Variants in PCDH15 observed in about 807,000 individuals in gnomAD.
The protein encoded by PCDH15 is protocadherin related 15, also known as protocadherin-15.
In PCDH15, 129 loss-of-function variants were observed where a neutral mutation model predicts 178.5. The ratio of observed to expected loss-of-function variants is 0.72; its 90% CI spans 0.63 to 0.84. PCDH15 has a LOEUF of 0.84. Among genes scored for constraint, PCDH15 ranks in the 40% least tolerant of loss-of-function variants. The probability of loss-of-function intolerance (pLI) is 0.00; values close to 1 mark genes in which losing one functional copy is unlikely to be tolerated. For missense variants in PCDH15, 2,230 were observed against 2,099.9 expected, an observed-to-expected ratio of 1.06 and a Z score of -1.21; for synonymous variants, 800 against 732.0, an observed-to-expected ratio of 1.09 and a Z score of -1.50.
At chr10:53,958,919 T>C (rs139032488) in intron 23 of PCDH15, among the ~76,000 whole-genome samples, 1,549 of 132,976 alleles carry the variant, frequency 0.012, 27 homozygotes, top group African/African-American at 0.039. Flanking sequence ...GTGGAGCTTG[T>C]AGTGACCCGA....
chr10:55,373,398 A>G (rs978194708), intron 2 of PCDH15, among the ~76,000 whole-genome samples: 1 of 152,168 alleles, frequency 6.6e-6, no homozygotes, highest in Admixed American at 6.6e-5. Context: ...GGCAGATGAT[A>G]ATTCCTTCTA....
chr10:55,492,395 T>A (rs986059120), intron 2 of PCDH15, among the ~76,000 whole-genome samples: 1 of 151,684 alleles, frequency 6.6e-6, no homozygotes, highest in Non-Finnish European at 1.5e-5. Flanking sequence ...TTCTAGACAA[T>A]AGCCCTTGGA....
chr10:54,037,169 G>C (rs1440755269), intron 18 of PCDH15, among the ~76,000 whole-genome samples: 2 of 151,916 alleles, frequency 1.3e-5, no homozygotes, highest in South Asian at 2.1e-4. Context: ...TGAAGATGCT[G>C]TGAACATTGT....
chr10:54,236,765 A>G, intron 9 of PCDH15, 58 bp downstream of exon 9: 1 of 1,335,590 alleles, frequency 7.5e-7, no homozygotes, highest in Non-Finnish European at 1.1e-6. Context: ...AATTGAGAGA[A>G]TTTGTTACTG....
chr10:54,380,252 A>G (rs2135061836), intron 3 of PCDH15, among the ~76,000 whole-genome samples: 1 of 152,106 alleles, frequency 6.6e-6, no homozygotes, highest in Admixed American at 6.6e-5. Context: ...CATTTTTTGC[A>G]CTTTTTCACA....
chr10:53,924,384 C>A (rs1179774425), intron 25 of PCDH15, among the ~76,000 whole-genome samples: 3 of 152,218 alleles, frequency 2.0e-5, no homozygotes, highest in Non-Finnish European at 4.4e-5. Context: ...CAGTGCTGCA[C>A]TCAAATTCTC....
At chr10:54,683,205 T>C (rs975102664) in intron 1 of PCDH15, among the ~76,000 whole-genome samples, 1 of 152,088 alleles carries the variant, frequency 6.6e-6, no homozygotes, top group African/African-American at 2.4e-5. Context: ...ACATATAATG[T>C]ACCATTTTAG....
At chr10:54,702,372 A>C (rs1289949886) in intron 1 of PCDH15, among the ~76,000 whole-genome samples, 1 of 151,956 alleles carries the variant, frequency 6.6e-6, no homozygotes, top group Admixed American at 6.6e-5. Context: ...TCAGATCTGA[A>C]CTGAATGAAA....
chr10:55,253,160 A>C (rs895993832), intron 1 of PCDH15, among the ~76,000 whole-genome samples: 3 of 151,886 alleles, frequency 2.0e-5, no homozygotes, highest in Non-Finnish European at 2.9e-5. Context: ...AACTGAGGAG[A>C]AAGACAAAGA....
chr10:54,206,824 T>C (rs954655558), intron 10 of PCDH15, among the ~76,000 whole-genome samples: 4 of 152,060 alleles, frequency 2.6e-5, no homozygotes, highest in Admixed American at 6.6e-5. Flanking sequence ...AAGAAACCTA[T>C]GAAGAACGAT....
At position 53,866,641 on chromosome 10, in the gene PCDH15, C is replaced by T. The variant is rs748706627; in HGVS notation, c.3717+1G>A. ...CCTTTCCTGAAGTTTTATCTACTTA[C>T]GAGTACATCGGCTTTGCCGCTCAGT... On this transcript the variant is annotated splice_donor_variant, in intron 27 of 37. Coordinates refer to ENST00000644397, the MANE Select transcript of PCDH15 (RefSeq NM_001384140.1). LOFTEE classifies it high-confidence loss of function. The T allele has an allele frequency of 5.6e-6, 9 of 1,612,326 alleles. No individual in the cohort carries two copies. The East Asian group carries it at 6.7e-5, about 12-fold the overall frequency.
At position 55,401,484 on chromosome 10, in the gene PCDH15, C is replaced by T. The variant is rs902129964; in HGVS notation, c.-156+226141G>A. Reference sequence around the variant, plus strand: ...ACAGTACATCACTGTATTTGTAATGCAAAGGTCTGTGCCCTGACAATTATC... The same window carrying T: ...ACAGTACATCACTGTATTTGTAATGTAAAGGTCTGTGCCCTGACAATTATC... On this transcript the variant is annotated intron_variant, in intron 2 of 5. Coordinates refer to the PCDH15 transcript ENST00000613346. Among the ~76,000 whole-genome samples, 6 of 151,874 alleles carry T rather than the reference C, an allele frequency of 4.0e-5. 1 individual carries two copies. The South Asian group carries it at 1.2e-3, about 31-fold the overall frequency.
intron 2 of PCDH15, among the ~76,000 whole-genome samples, chr10:54,530,058 A>T (rs2132709028): frequency 6.6e-6 from 1 of 152,202 alleles, no homozygotes; most frequent in Non-Finnish European, 1.5e-5. Flanking sequence ...AGAATAATAA[A>T]AGAAGGGGAA....
chr10:55,325,761 ACAACAACAC>A (rs891932707), intron 2 of PCDH15, among the ~76,000 whole-genome samples: 18 of 152,162 alleles, frequency 1.2e-4, no homozygotes, highest in African/African-American at 4.3e-4. Flanking sequence ...AAACAAACAA[ACAACAACAC>A]CAACAACACA....
rs572473714 is a variant in PCDH15, at chr10:54,401,361, CA to C, written c.158-22420del. 7.5e-4 allele frequency among the ~76,000 whole-genome samples: 111 copies of C among 147,190 alleles called. 1 individual carries two copies. The highest frequency in any genetic ancestry group is 2.0e-3 in the African/African-American group (79 of 40,352). On this transcript the variant is annotated intron_variant, in intron 3 of 37. Transcript: ENST00000644397. ...AAGCAAAGTTATGCTGTTGTAGATT[CA>C]AAAAAAAAATTGACATTTTAGGTTA...
Position 54,369,222 on chromosome 10 carries a change from T to C in PCDH15, c.372A>G (p.Lys124=), listed in dbSNP as rs753916542. 9 of 1,612,864 alleles carry C rather than the reference T, an allele frequency of 5.6e-6. No individual in the cohort carries two copies. Among genetic ancestry groups the C allele is most frequent in the Non-Finnish European group, 5.9e-6 (7 of 1,179,362 alleles). ...IVVQVQCINK[K]VGTIIYHEVR... ...CTTCATGGTAGATAATAGTGCCCAC[T>C]TTTTTGTTGATGCACTGGACCTGCA... The change falls in exon 5 of 38, where the codon AAA becomes AAG. Residue 124 remains lysine, a synonymous_variant. Transcript: ENST00000644397.
At chr10:55,029,496 G>A (rs1049101515) in intron 2 of PCDH15, among the ~76,000 whole-genome samples, 9 of 151,958 alleles carry the variant, frequency 5.9e-5, no homozygotes, top group African/African-American at 1.9e-4. Flanking sequence ...CTTCTGTGCT[G>A]AGCTGAAGTG....
intron 2 of PCDH15, among the ~76,000 whole-genome samples, chr10:55,350,503 T>C (rs1844897050): frequency 6.6e-6 from 1 of 151,752 alleles, no homozygotes; most frequent in African/African-American, 2.4e-5. Flanking sequence ...TATGACTTTA[T>C]GGAGAGAAAT....
chr10:54,894,381 T>C (rs1042065689), intron 3 of PCDH15, among the ~76,000 whole-genome samples: 3 of 152,116 alleles, frequency 2.0e-5, no homozygotes, highest in Non-Finnish European at 4.4e-5. Context: ...AAGAAAGCCT[T>C]AAGTGATAGC....
Sources: allele counts gnomAD v4.1 joint callset (sites outside exome capture counted in the v4.1 genomes callset), GRCh38; gene constraint gnomAD v4.1.1; transcripts MANE v1.5; gene names NCBI Gene and HGNC (gene_info 2026-07-23, HGNC 2026-07-21).